The following CLYBL variants were observed in gnomAD, a reference collection of about 807,000 sequenced individuals.
The protein encoded by CLYBL is citramalyl-CoA lyase, mitochondrial.
Under a neutral mutation model 38.9 loss-of-function variants are expected in CLYBL, and 31 were observed. The observed-to-expected ratio is 0.80, with a 90% CI of 0.60 to 1.08. The LOEUF is 1.08. Among genes scored for constraint, CLYBL ranks in the 50% least tolerant of loss-of-function variants. The pLI, the probability that CLYBL is intolerant of heterozygous loss-of-function variation, is 0.00. For synonymous variants in CLYBL, 171 were observed against 158.6 expected, an observed-to-expected ratio of 1.08 and a Z score of -0.59; for missense variants, 434 against 411.6, an observed-to-expected ratio of 1.05 and a Z score of -0.47.
intron 2 of CLYBL, among the ~76,000 whole-genome samples, chr13:99,773,620 C>T (rs977815995): frequency 6.6e-6 from 1 of 152,110 alleles, no homozygotes; most frequent in African/African-American, 2.4e-5. Context: ...GAATAATTAC[C>T]CTCCACAAAA....
At position 99,883,538 on chromosome 13, in the gene CLYBL, C is replaced by T. The variant is rs556206091; in HGVS notation, c.928-7780C>T. On this transcript the variant is annotated intron_variant, in intron 7 of 8. Coordinates refer to ENST00000339105, the MANE Select transcript of CLYBL (RefSeq NM_206808.5). ...CATCTCAAAAAAAAAAAAAAAATAG[C>T]AGAACCAATATTTTAAAATGTCATC... Among the ~76,000 whole-genome samples, 61 of 150,616 alleles carry T rather than the reference C, an allele frequency of 4.1e-4. No homozygotes were observed. In the East Asian group the frequency reaches 8.9e-3, roughly 22 times the overall value.
chr13:99,657,071 G>C (rs2047340675), intron 1 of CLYBL, among the ~76,000 whole-genome samples: 1 of 152,180 alleles, frequency 6.6e-6, no homozygotes. Context: ...GACATCTTGG[G>C]GAGCTGCTCT....
At chr13:99,747,548 A>G (rs1272406017) in intron 1 of CLYBL, among the ~76,000 whole-genome samples, 1 of 152,118 alleles carries the variant, frequency 6.6e-6, no homozygotes, top group Non-Finnish European at 1.5e-5. Flanking sequence ...AGATGAACCC[A>G]CACGGGAGAC....
At chr13:99,737,577 G>A (rs1935863075) in intron 1 of CLYBL, among the ~76,000 whole-genome samples, 2 of 152,146 alleles carry the variant, frequency 1.3e-5, no homozygotes, top group Admixed American at 1.3e-4. Context: ...TTTGGAGCTG[G>A]CGAGTCTGGG....
intron 2 of CLYBL, among the ~76,000 whole-genome samples, chr13:99,790,975 A>AT (rs745870772): frequency 4.3e-4 from 66 of 151,770 alleles, no homozygotes; most frequent in Non-Finnish European, 8.2e-4. Context: ...ACATAATCTC[A>AT]TTTTTTTTCT....
intron 7 of CLYBL, among the ~76,000 whole-genome samples, chr13:99,880,864 G>A (rs2052187354): frequency 6.6e-6 from 1 of 152,210 alleles, no homozygotes; most frequent in African/African-American, 2.4e-5. Context: ...GCTTCTTCAG[G>A]CTTCTGCACC....
chr13:99,748,432 T>TG (rs2048893283), intron 1 of CLYBL, among the ~76,000 whole-genome samples: 2 of 57,536 alleles, frequency 3.5e-5, no homozygotes, highest in Non-Finnish European at 8.1e-5. Context: ...GTTTTGTGTT[T>TG]TTTTTTTTTT....
chr13:99,809,429 T>G (rs1463800725), intron 2 of CLYBL, among the ~76,000 whole-genome samples: 1 of 152,182 alleles, frequency 6.6e-6, no homozygotes, highest in Non-Finnish European at 1.5e-5. Flanking sequence ...CAGAGGCACT[T>G]CATTTGGATG....
intron 3 of CLYBL, among the ~76,000 whole-genome samples, chr13:99,862,232 A>G (rs995787588): frequency 2.6e-5 from 4 of 152,086 alleles, no homozygotes; most frequent in South Asian, 4.1e-4. Context: ...TTCTCTATCT[A>G]TCTCCCCACA....
intron 6 of CLYBL, 69 bp from the exon 7 acceptor site, chr13:99,870,869 C>A: frequency 6.6e-7 from 1 of 1,516,476 alleles, no homozygotes; most frequent in Non-Finnish European, 8.9e-7. Flanking sequence ...GAACCTCACG[C>A]GATAGAAACA....
intron 1 of CLYBL, among the ~76,000 whole-genome samples, chr13:99,659,098 A>G (rs1010158573): frequency 2.0e-5 from 3 of 152,112 alleles, no homozygotes; most frequent in Non-Finnish European, 2.9e-5. Context: ...AACATAACCA[A>G]TATTTACTCT....
At chr13:99,846,448 A>T (rs1025588152) in intron 2 of CLYBL, among the ~76,000 whole-genome samples, 3 of 152,146 alleles carry the variant, frequency 2.0e-5, no homozygotes, top group Non-Finnish European at 2.9e-5. Context: ...GTTTGTGAAA[A>T]TAATGATGCA....
intron 1 of CLYBL, among the ~76,000 whole-genome samples, chr13:99,614,135 C>G (rs1188047251): frequency 6.6e-6 from 1 of 151,934 alleles, no homozygotes. Flanking sequence ...GAGTGCAGGG[C>G]AGGATACAGA....
At chr13:99,747,510 G>A (rs1261708171) in intron 1 of CLYBL, among the ~76,000 whole-genome samples, 4 of 152,102 alleles carry the variant, frequency 2.6e-5, no homozygotes, top group South Asian at 2.1e-4. Context: ...GAGCCACTCC[G>A]GGAGCTGCCA....
rs564610016 is a variant in CLYBL at position 99,820,612 on chromosome 13, A to G, written c.250-38249A>G. On this transcript the variant is annotated intron_variant, in intron 2 of 8. Coordinates refer to ENST00000339105, the MANE Select transcript of CLYBL (RefSeq NM_206808.5). Reference sequence around the variant, plus strand: ...ACAGTCTCAATCTTAGGACAAGATTAATATTGCACCATCTACATTCTCACC... The same window carrying G: ...ACAGTCTCAATCTTAGGACAAGATTGATATTGCACCATCTACATTCTCACC... Among the ~76,000 whole-genome samples, 3 of 152,170 alleles carry G rather than the reference A, an allele frequency of 2.0e-5. No individual in the cohort carries two copies. The South Asian group carries it at 6.2e-4, about 32-fold the overall frequency.
At chr13:99,844,745 G>C (rs2051160281) in intron 2 of CLYBL, among the ~76,000 whole-genome samples, 1 of 152,064 alleles carries the variant, frequency 6.6e-6, no homozygotes, top group African/African-American at 2.4e-5. Context: ...TCTCATCTCG[G>C]GTCTACACTG....
At chr13:99,818,028 G>A (rs1450868043) in intron 2 of CLYBL, among the ~76,000 whole-genome samples, 4 of 150,958 alleles carry the variant, frequency 2.6e-5, no homozygotes, top group African/African-American at 9.7e-5. Flanking sequence ...AGAGAAGGAA[G>A]GAAGGAAGGG....
chr13:99,698,667 G>A lies in CLYBL; in HGVS notation c.63-74157G>A, dbSNP rs1287332086. On this transcript the variant is annotated intron_variant, in intron 1 of 8. Transcript: ENST00000339105. ...TTTAATCCTAATCACAAAATTTATT[G>A]TGTGTGGCTTTATATGCATTTGTAG... is the stretch of plus-strand genomic sequence containing the variant. Among the ~76,000 whole-genome samples the A allele has an allele frequency of 2.0e-5, 3 of 152,264 alleles. No individual in the cohort carries two copies. In the South Asian group the frequency reaches 6.2e-4, roughly 32 times the overall value.
chr13:99,794,946 G>C (rs9582345), intron 2 of CLYBL, among the ~76,000 whole-genome samples: 1 of 151,934 alleles, frequency 6.6e-6, no homozygotes, highest in East Asian at 1.9e-4. Flanking sequence ...TCATAATTTA[G>C]TATTCTGATT....
Sources: gnomAD v4.1 joint callset for allele counts (sites outside exome capture counted in the v4.1 genomes callset) on GRCh38, gnomAD v4.1.1 for gene constraint, MANE v1.5 for transcripts, NCBI Gene and HGNC (gene_info 2026-07-23, HGNC 2026-07-21) for gene names.